The following RNF20 variants were observed in gnomAD, a reference collection of about 807,000 sequenced individuals.
The protein encoded by RNF20 is E3 ubiquitin-protein ligase BRE1A.
RNF20 carries 84 observed loss-of-function variants against 126.2 expected under a neutral mutation model. The observed-to-expected ratio is 0.67, with a 90% CI of 0.56 to 0.80. The LOEUF is 0.80. RNF20 is among the 30% of genes least tolerant of loss of function. The pLI is 0.00. For synonymous variants in RNF20, 400 were observed against 414.3 expected, an observed-to-expected ratio of 0.97 and a Z score of 0.42; for missense variants, 869 against 1,188.2, an observed-to-expected ratio of 0.73 and a Z score of 3.95.
At chr9:101,560,214 A>G (rs1240188813) in intron 16 of RNF20, among the ~76,000 whole-genome samples, 1 of 152,078 alleles carries the variant, frequency 6.6e-6, no homozygotes, top group East Asian at 1.9e-4. Flanking sequence ...TGACTTGTGG[A>G]TGTCAAACCA....
intron 1 of RNF20, 96 bp from the exon 2 acceptor site, chr9:101,535,302 T>G (rs558341030): frequency 1.2e-6 from 1 of 812,480 alleles, no homozygotes; most frequent in East Asian, 2.8e-5. Flanking sequence ...GGTTAAAGGG[T>G]TGGCCAGAAA....
At chr9:101,558,528 G>T (rs1827573362) in intron 16 of RNF20, among the ~76,000 whole-genome samples, 1 of 152,080 alleles carries the variant, frequency 6.6e-6, no homozygotes, top group Non-Finnish European at 1.5e-5. Context: ...CACCAACAGT[G>T]TAAAAGTGTT....
rs772693155 is a variant in RNF20, at chr9:101,540,637, G to C, written c.445G>C (p.Gly149Arg). The C allele has an allele frequency of 6.2e-7, 1 of 1,614,040 alleles. No individual in the cohort carries two copies. Among genetic ancestry groups the C allele is most frequent in the Non-Finnish European group, 8.5e-7 (1 of 1,179,996 alleles). ...NQERKDDRER[G>R]EGQEPAFSFL... Reference sequence around the variant, plus strand: ...GGAGCGTAAAGATGACCGAGAGAGAGGCAAGTGTTCGTGATGGATTCTATC... The same window carrying C: ...GGAGCGTAAAGATGACCGAGAGAGACGCAAGTGTTCGTGATGGATTCTATC... The change falls in exon 4 of 20, where the codon GGG becomes CGG. Residue 149 changes from glycine to arginine, a missense_variant and splice_region_variant. By Grantham distance (125) the Gly-to-Arg change is moderately radical (BLOSUM62 -2). This residue lies in a region of RNF20 where 157 missense variants were observed against 236.0 expected (regional missense o/e 0.67). Transcript: ENST00000389120.
In RNF20 at chr9:101,554,617, A is replaced by G. The variant is rs569895023; in HGVS notation, c.2020-77A>G. ...ACTCTTTTGGTATTATGAACCTTCT[A>G]TCTTTGCACAGTATTAATTGATTTT... On this transcript the variant is annotated intron_variant, in intron 14 of 19. Coordinates refer to ENST00000389120, the MANE Select transcript of RNF20 (RefSeq NM_019592.7). 7.5e-5 allele frequency: 95 copies of G among 1,273,960 alleles called. No homozygotes were observed. In the East Asian group the frequency reaches 2.0e-3, roughly 27 times the overall value. The allele number at this position is 1,273,960 out of a possible 1,614,324, so 78.9% of individuals were successfully genotyped here. A position where few individuals can be genotyped will look rare whatever the true frequency, so the allele number is the denominator to read the frequency against.
intron 6 of RNF20, among the ~76,000 whole-genome samples, chr9:101,545,928 T>G (rs1416470808): frequency 6.6e-6 from 1 of 152,152 alleles, no homozygotes; most frequent in Non-Finnish European, 1.5e-5. Flanking sequence ...GGGTTAATTG[T>G]CTACTGGGAT....
chr9:101,548,022 A>G (rs1439988579), intron 9 of RNF20, among the ~76,000 whole-genome samples: 40 of 152,218 alleles, frequency 2.6e-4, no homozygotes, highest in Admixed American at 2.6e-3. Context: ...TATACCAACA[A>G]CAAACTCTAT....
At chr9:101,544,706 T>TAAAAAA in intron 5 of RNF20, 61 bp from the exon 6 acceptor site, 1 of 1,007,024 alleles carries the variant, frequency 9.9e-7, no homozygotes, top group Non-Finnish European at 1.5e-6. Flanking sequence ...GACTCCGTCT[T>TAAAAAA]AAAAAAAAAA....
In RNF20 at chr9:101,552,754, G is replaced by C; in HGVS notation, c.1901+1G>C. The C allele has an allele frequency of 6.2e-7, 1 of 1,601,350 alleles. No homozygotes were observed. The highest frequency in any genetic ancestry group is 8.5e-7 in the Non-Finnish European group (1 of 1,174,012). On this transcript the variant is annotated splice_donor_variant, in intron 13 of 19. Coordinates refer to ENST00000389120, the MANE Select transcript of RNF20 (RefSeq NM_019592.7). LOFTEE classifies it high-confidence loss of function. ...TCAAACAATTGAAGATTGAACTCAA[G>C]TAAGAACCACATTTAGAGTAACAGT...
intron 5 of RNF20, among the ~76,000 whole-genome samples, chr9:101,543,536 G>C: frequency 6.7e-6 from 1 of 148,588 alleles, no homozygotes; most frequent in Non-Finnish European, 1.5e-5. Flanking sequence ...AACCCTGCCA[G>C]AGCGGAACTG....
chr9:101,551,119 A>T (rs372781556), intron 10 of RNF20, among the ~76,000 whole-genome samples: 1 of 152,188 alleles, frequency 6.6e-6, no homozygotes, highest in Non-Finnish European at 1.5e-5. Context: ...TAAGGTATAA[A>T]TATTAAGGAT....
chr9:101,557,479 G>A lies in RNF20; in HGVS notation c.2265G>A (p.Glu755=), dbSNP rs1199443845. Reference sequence around the variant, plus strand: ...TCCGTTTGATGCAGCAATTGCGGGAGAAGGATGATGCAAATTTCAAGCTCA... The same window carrying A: ...TCCGTTTGATGCAGCAATTGCGGGAAAAGGATGATGCAAATTTCAAGCTCA... ...QNIRLMQQLR[E]KDDANFKLMS... Residue 755 remains glutamate, a synonymous_variant, in exon 16 of 20, where the codon GAG becomes GAA. Coordinates refer to ENST00000389120, the MANE Select transcript of RNF20 (RefSeq NM_019592.7). 3 of 1,613,856 alleles carry A rather than the reference G, an allele frequency of 1.9e-6. No individual in the cohort carries two copies. The highest frequency in any genetic ancestry group is 2.5e-6 in the Non-Finnish European group (3 of 1,179,908).
intron 5 of RNF20, among the ~76,000 whole-genome samples, chr9:101,543,408 A>G (rs908182424): frequency 6.7e-6 from 1 of 148,572 alleles, no homozygotes; most frequent in Non-Finnish European, 1.5e-5. Flanking sequence ...GGCACTGTCT[A>G]ACCTGCCAGA....
intron 5 of RNF20, among the ~76,000 whole-genome samples, chr9:101,542,589 T>C (rs931654132): frequency 1.1e-4 from 16 of 152,184 alleles, no homozygotes; most frequent in South Asian, 4.1e-4. Context: ...AATGGTGCTT[T>C]GTGTGTGCAC....
chr9:101,545,165 A>C (rs1366335524), intron 6 of RNF20, among the ~76,000 whole-genome samples: 2 of 152,232 alleles, frequency 1.3e-5, no homozygotes, highest in African/African-American at 4.8e-5. Context: ...AGGAATGTCA[A>C]TTTTCAGTCT....
intron 16 of RNF20, 28 bp from the exon 17 acceptor site, chr9:101,560,773 G>A: frequency 6.3e-7 from 1 of 1,580,236 alleles, no homozygotes; most frequent in Non-Finnish European, 8.6e-7. Context: ...CTTTTCATTT[G>A]TGTTAAAATC....
At chr9:101,558,958 T>C (rs1426221962) in intron 16 of RNF20, among the ~76,000 whole-genome samples, 1 of 152,190 alleles carries the variant, frequency 6.6e-6, no homozygotes, top group Non-Finnish European at 1.5e-5. Flanking sequence ...GGGTTCTTGG[T>C]CATGAAGTCT....
intron 5 of RNF20, among the ~76,000 whole-genome samples, chr9:101,542,845 C>T (rs890082705): frequency 2.6e-5 from 4 of 152,134 alleles, no homozygotes; most frequent in African/African-American, 7.2e-5. Flanking sequence ...AGAAACATTA[C>T]AAATAGCCAT....
At chr9:101,550,887 C>CA in intron 10 of RNF20, 102 bp downstream of exon 10, 13 of 1,086,372 alleles carry the variant, frequency 1.2e-5, no homozygotes, top group Non-Finnish European at 1.8e-5. Flanking sequence ...ATTCAGCTGT[C>CA]ATTCATAGAG....
intron 15 of RNF20, among the ~76,000 whole-genome samples, chr9:101,556,110 A>G (rs1363356936): frequency 6.6e-6 from 1 of 152,164 alleles, no homozygotes; most frequent in Non-Finnish European, 1.5e-5. Context: ...CTTGTATACG[A>G]TGACTATCTT....
Sources: gnomAD v4.1 joint callset for allele counts (sites outside exome capture counted in the v4.1 genomes callset) on GRCh38, gnomAD v4.1.1 for gene constraint, gnomAD v4.1.1 regional missense constraint, MANE v1.5 for transcripts, NCBI Gene and HGNC (gene_info 2026-07-23, HGNC 2026-07-21) for gene names.